Variants in IBSP observed in about 807,000 individuals in gnomAD.
IBSP encodes integrin-binding sialoprotein.
IBSP carries 19 observed loss-of-function variants against 25.5 expected under a neutral mutation model. The observed-to-expected ratio is 0.74, with a 90% CI of 0.52 to 1.09. The LOEUF (loss-of-function observed/expected upper bound fraction) is 1.09. IBSP is among the 50% of genes least tolerant of loss of function. The pLI is 0.00. For synonymous variants in IBSP, 144 were observed against 137.6 expected (o/e 1.05, Z -0.33); for missense variants, 360 against 382.3 (o/e 0.94, Z 0.49).
chr4:87,811,172 C>G (rs1278396834), intron 6 of IBSP, among the ~76,000 whole-genome samples, 190 bp from the exon 7 acceptor site: 1 of 152,138 alleles, frequency 6.6e-6, no homozygotes, highest in Non-Finnish European at 1.5e-5. Flanking sequence ...ACACTTTCCC[C>G]ATCAAAACCC....
At position 87,810,778 on chromosome 4, in the gene IBSP, T is replaced by C; in HGVS notation, c.405+14T>C. On this transcript the variant is annotated intron_variant, in intron 6 of 6. Coordinates refer to ENST00000226284, the MANE Select transcript of IBSP (RefSeq NM_004967.4). ...CTTCCCAAGAAGGTAACAATGGAAT[T>C]ATTCCTCCAAAATGAAATTATTACC... 1 of 1,597,698 alleles carries C rather than the reference T, an allele frequency of 6.3e-7. No individual in the cohort carries two copies.
chr4:87,810,656 C>T lies in IBSP; in HGVS notation c.297C>T (p.Asp99=). ...ENNEESNEDE[D]SEAENTTLSA... ...ATGAAGAATCGAATGAAGATGAAGACTCTGAGGCTGAGAATACCACACTTT... is the reference window on the plus strand; with the variant it reads ...ATGAAGAATCGAATGAAGATGAAGATTCTGAGGCTGAGAATACCACACTTT... Residue 99 remains aspartate (D), a synonymous_variant, in exon 6 of 7, where the codon GAC becomes GAT. Coordinates refer to ENST00000226284, the MANE Select transcript of IBSP (RefSeq NM_004967.4). 1 of 1,613,592 alleles carries T rather than the reference C, an allele frequency of 6.2e-7. No individual in the cohort carries two copies. The highest frequency in any genetic ancestry group is 2.2e-5 in the East Asian group (1 of 44,868).
intron 5 of IBSP, among the ~76,000 whole-genome samples, chr4:87,807,812 T>C (rs1206670812): frequency 1.3e-5 from 2 of 152,188 alleles, no homozygotes; most frequent in African/African-American, 4.8e-5. Flanking sequence ...TTAAAATCCC[T>C]GCTTTGGGGA....
In IBSP at chr4:87,806,202, C is replaced by G. The variant is rs371168333; in HGVS notation, c.246+18C>G. 523 of 1,601,296 alleles carry G rather than the reference C, an allele frequency of 3.3e-4. No individual in the cohort carries two copies. Among genetic ancestry groups the G allele is most frequent in the East Asian group, 1.7e-3 (77 of 44,550 alleles). ...AAGAAGAGGTAAGGAATTTTGCAAT[C>G]TTTTCGTAATAAAGCAGACAGCACA... On this transcript the variant is annotated intron_variant, in intron 5 of 6. Coordinates refer to ENST00000226284, the MANE Select transcript of IBSP (RefSeq NM_004967.4).
intron 5 of IBSP, among the ~76,000 whole-genome samples, chr4:87,809,270 A>C (rs1443581289): frequency 6.6e-6 from 1 of 152,228 alleles, no homozygotes; most frequent in Non-Finnish European, 1.5e-5. Context: ...ATCCTTAAAT[A>C]AAGTATCTGG....
intron 4 of IBSP, 89 bp downstream of exon 4, chr4:87,802,820 C>T: frequency 1.2e-6 from 1 of 815,744 alleles, no homozygotes; most frequent in East Asian, 2.9e-5. Context: ...CTAAATTCAA[C>T]TCTCACTGAA....
intron 5 of IBSP, 65 bp downstream of exon 5, chr4:87,806,249 C>T: frequency 8.2e-7 from 1 of 1,219,224 alleles, no homozygotes; most frequent in Non-Finnish European, 1.2e-6. Context: ...GGAAACTAGT[C>T]TATTGCATTC....
Position 87,812,085 on chromosome 4 carries a change from T to G in IBSP, c.*175T>G. On this transcript the variant is annotated 3_prime_UTR_variant, in exon 7 of 7. Coordinates refer to ENST00000226284, the MANE Select transcript of IBSP (RefSeq NM_004967.4). The stretch of plus-strand genomic sequence containing the variant: ...AAGTAATAGGCTTCTTGTCCCTTTT[T>G]TTTCTGGCATGTTATGGAATGATCA... The G allele has an allele frequency of 5.9e-6, 3 of 506,386 alleles. No homozygotes were observed. The highest frequency in any genetic ancestry group is 1.0e-5 in the Non-Finnish European group (3 of 293,832). 31.4% of individuals were successfully genotyped at this position (506,386 alleles called of 1,614,324 possible). A position where few individuals can be genotyped will look rare whatever the true frequency, so the allele number is the denominator to read the frequency against.
At chr4:87,811,221 A>G in intron 6 of IBSP, 141 bp from the exon 7 acceptor site, 1 of 928,082 alleles carries the variant, frequency 1.1e-6, no homozygotes, top group Non-Finnish European at 1.6e-6. Flanking sequence ...AAAGCCCCCA[A>G]TCATTTTGTA....
At chr4:87,810,480 T>C in intron 5 of IBSP, 126 bp from the exon 6 acceptor site, 1 of 700,096 alleles carries the variant, frequency 1.4e-6, no homozygotes, top group Non-Finnish European at 2.4e-6. Context: ...CTTTGAGTGA[T>C]CAGCCAGCTG....
chr4:87,802,689 G>A lies in IBSP; in HGVS notation c.141G>A (p.Lys47=), dbSNP rs1185425410. The change falls in exon 4 of 7, where the codon AAG becomes AAA. Residue 47 remains lysine, a synonymous_variant. Transcript: ENST00000226284. Reference sequence around the variant, plus strand: ...ACAGGCCACGATATTATCTTTACAAGCATGCCTACTTTTATCCTCATTTAA... The same window carrying A: ...ACAGGCCACGATATTATCTTTACAAACATGCCTACTTTTATCCTCATTTAA... ...FKYRPRYYLY[K]HAYFYPHLKR... 9 of 1,565,888 alleles carry A rather than the reference G, an allele frequency of 5.7e-6. No homozygotes were observed. Among genetic ancestry groups the A allele is most frequent in the Non-Finnish European group, 7.7e-6 (9 of 1,165,862 alleles).
chr4:87,807,327 G>A (rs958235865), intron 5 of IBSP, among the ~76,000 whole-genome samples: 8 of 152,124 alleles, frequency 5.3e-5, no homozygotes, highest in East Asian at 1.9e-4. Context: ...ATTAACAGCT[G>A]TCTTGAAAAC....
At chr4:87,800,474 T>C (rs1447835862) in intron 1 of IBSP, among the ~76,000 whole-genome samples, 2 of 152,196 alleles carry the variant, frequency 1.3e-5, no homozygotes, top group Admixed American at 1.3e-4. Context: ...TCTCACAAAG[T>C]GGCAAAGCAA....
rs773191315 is a variant in IBSP at position 87,811,634 on chromosome 4, G to A, written c.678G>A (p.Lys226=). 7 of 1,613,604 alleles carry A rather than the reference G, an allele frequency of 4.3e-6. No individual in the cohort carries two copies. Among genetic ancestry groups the A allele is most frequent in the Non-Finnish European group, 5.9e-6 (7 of 1,179,960 alleles). ...GAAGGCAGGGCAAGGGCACCTCGAA[G>A]ACAACAACCTCTCCAAATGGTGGGT... ...ETGRQGKGTS[K]TTTSPNGGFE... Residue 226 remains lysine, a synonymous_variant, in exon 7 of 7, where the codon AAG becomes AAA. Coordinates refer to ENST00000226284, the MANE Select transcript of IBSP (RefSeq NM_004967.4).
chr4:87,802,382 G>A lies in IBSP; in HGVS notation c.21G>A (p.Leu7=). MKTALI[L]LSILGMACAF... ...CCAAAATGAAGACTGCTTTAATTTT[G>A]CTCAGCATTTTGGGAATGGCCTGTG... The change falls in exon 2 of 7, where the codon TTG becomes TTA. Residue 7 remains leucine, a synonymous_variant. Coordinates refer to ENST00000226284, the MANE Select transcript of IBSP (RefSeq NM_004967.4). The A allele has an allele frequency of 6.2e-7, 1 of 1,610,440 alleles. No individual in the cohort carries two copies. The highest frequency in any genetic ancestry group is 1.1e-5 in the South Asian group (1 of 90,052).
chr4:87,807,172 A>G (rs1331430529), intron 5 of IBSP, among the ~76,000 whole-genome samples: 1 of 152,112 alleles, frequency 6.6e-6, no homozygotes, highest in Non-Finnish European at 1.5e-5. Context: ...TATAACTGAT[A>G]CTCTTGCCTA....
intron 4 of IBSP, among the ~76,000 whole-genome samples, chr4:87,803,278 C>T (rs777393671): frequency 3.3e-5 from 5 of 151,972 alleles, no homozygotes; most frequent in Admixed American, 6.6e-5. Flanking sequence ...ATGTCATACA[C>T]TGGAGCATAA....
chr4:87,812,227 A>C lies in IBSP; in HGVS notation c.*317A>C, dbSNP rs938924862. The C allele has an allele frequency of 7.9e-6, 2 of 253,372 alleles. No homozygotes were observed. The highest frequency in any genetic ancestry group is 1.5e-5 in the Non-Finnish European group (2 of 135,122). The allele number at this position is 253,372 out of a possible 1,614,324, so 15.7% of individuals were successfully genotyped here. A position where few individuals can be genotyped will look rare whatever the true frequency, so the allele number is the denominator to read the frequency against. On this transcript the variant is annotated 3_prime_UTR_variant, in exon 7 of 7. Transcript: ENST00000226284. ...TTTTTAACATGCCTGTAGTATTGCT[A>C]ACTGCAAAAACATACTCTTTGTACA...
chr4:87,811,457 A>G lies in IBSP; in HGVS notation c.501A>G (p.Ala167=). The G allele has an allele frequency of 6.2e-7, 1 of 1,614,004 alleles. No individual in the cohort carries two copies. Among genetic ancestry groups the G allele is most frequent in the South Asian group, 1.1e-5 (1 of 91,066 alleles). ...EEGNENEESE[A]EVDENEQGIN... Reference sequence around the variant, plus strand: ...GAAATGAAAACGAAGAAAGCGAAGCAGAAGTGGATGAAAACGAACAAGGCA... The same window carrying G: ...GAAATGAAAACGAAGAAAGCGAAGCGGAAGTGGATGAAAACGAACAAGGCA... The change falls in exon 7 of 7, where the codon GCA becomes GCG. Residue 167 remains alanine, a synonymous_variant. Coordinates refer to ENST00000226284, the MANE Select transcript of IBSP (RefSeq NM_004967.4).
Sources: gnomAD v4.1 joint callset for allele counts (sites outside exome capture counted in the v4.1 genomes callset) on GRCh38, gnomAD v4.1.1 for gene constraint, MANE v1.5 for transcripts, NCBI Gene and HGNC (gene_info 2026-07-23, HGNC 2026-07-21) for gene names.